CHD9NB: variants seen among roughly 807,000 people sequenced by gnomAD.
CHD9NB encodes the protein CHD9 neighbor protein.
the CHD9NB span, among the ~76,000 whole-genome samples, chr16:53,052,117 G>A: frequency 6.7e-6 from 1 of 150,156 alleles, no homozygotes; most frequent in African/African-American, 2.5e-5. Context: ...GGCAGCTTGT[G>A]TCTATAATCC....
At chr16:53,038,972 C>T in the CHD9NB span, among the ~76,000 whole-genome samples, 2 of 152,096 alleles carry the variant, frequency 1.3e-5, no homozygotes, top group South Asian at 2.1e-4. Flanking sequence ...ACTCAACACC[C>T]CTAAAACTCA....
At chr16:53,050,974 G>A in the CHD9NB span, among the ~76,000 whole-genome samples, 7 of 151,402 alleles carry the variant, frequency 4.6e-5, no homozygotes, top group South Asian at 2.1e-4. Flanking sequence ...TGCAAGCTCC[G>A]CCTCTCGGGT....
chr16:53,042,237 C>T, the CHD9NB span, among the ~76,000 whole-genome samples: 2 of 151,334 alleles, frequency 1.3e-5, no homozygotes, highest in Non-Finnish European at 2.9e-5. Context: ...ACCCTCTCCC[C>T]ATTTTTCTCT....
At chr16:53,036,971 C>G in the CHD9NB span, among the ~76,000 whole-genome samples, 1 of 151,946 alleles carries the variant, frequency 6.6e-6, no homozygotes, top group South Asian at 2.1e-4. Context: ...GAGTCTTGCT[C>G]TGTCACCAGG....
At chr16:53,036,123 C>T in the CHD9NB span, among the ~76,000 whole-genome samples, 1 of 152,266 alleles carries the variant, frequency 6.6e-6, no homozygotes, top group Middle Eastern at 3.4e-3. Flanking sequence ...CTATTCAATG[C>T]GCTGCTGTGG....
the CHD9NB span, among the ~76,000 whole-genome samples, chr16:53,047,957 C>T: frequency 6.9e-6 from 1 of 145,092 alleles, no homozygotes; most frequent in East Asian, 2.1e-4. Flanking sequence ...TATGATTGTG[C>T]CATGGCACTC....
chr16:53,045,259 T>G, the CHD9NB span, among the ~76,000 whole-genome samples: 1 of 152,208 alleles, frequency 6.6e-6, no homozygotes, highest in Non-Finnish European at 1.5e-5. Flanking sequence ...ATCCTGTCTC[T>G]TTATCAGTAT....
chr16:53,035,788 C>T, the CHD9NB span: 1 of 152,018 alleles, frequency 6.6e-6, no homozygotes, highest in African/African-American at 2.4e-5. Context: ...CATAGTGAGA[C>T]CCCACCTCCC....
chr16:53,049,414 G>A, the CHD9NB span, among the ~76,000 whole-genome samples: 2 of 151,920 alleles, frequency 1.3e-5, no homozygotes, highest in Admixed American at 1.3e-4. Context: ...GGCATCAAGT[G>A]ATCCTCCTGC....
the CHD9NB span, among the ~76,000 whole-genome samples, chr16:53,046,585 T>C: frequency 7.9e-5 from 12 of 151,658 alleles, no homozygotes; most frequent in East Asian, 1.6e-3. Context: ...CTTGGGAGGC[T>C]GAGGAGGGAG....
chr16:53,048,405 C>A, the CHD9NB span, among the ~76,000 whole-genome samples: 5 of 152,054 alleles, frequency 3.3e-5, no homozygotes, highest in Non-Finnish European at 7.4e-5. Context: ...AAGAGTGAGA[C>A]CCTGTCTCCA....
At chr16:53,037,481 T>C in the CHD9NB span, among the ~76,000 whole-genome samples, 1 of 152,212 alleles carries the variant, frequency 6.6e-6, no homozygotes, top group Non-Finnish European at 1.5e-5. Flanking sequence ...GTTTGTATTA[T>C]CAACTTAACA....
the CHD9NB span, among the ~76,000 whole-genome samples, chr16:53,052,531 C>T: frequency 2.0e-5 from 3 of 152,144 alleles, no homozygotes; most frequent in Non-Finnish European, 4.4e-5. Flanking sequence ...CTGTGATTAG[C>T]AGAATGAGAA....
At chr16:53,041,748 A>G in the CHD9NB span, among the ~76,000 whole-genome samples, 1 of 151,848 alleles carries the variant, frequency 6.6e-6, no homozygotes, top group African/African-American at 2.4e-5. Context: ...AATTTCCACT[A>G]GTAGGGAGGA....
At chr16:53,048,202 G>C in the CHD9NB span, among the ~76,000 whole-genome samples, 1 of 151,788 alleles carries the variant, frequency 6.6e-6, no homozygotes, top group Non-Finnish European at 1.5e-5. Flanking sequence ...CCAGGGGTTC[G>C]AGACCAGCCT....
chr16:53,051,695 C>T, the CHD9NB span, among the ~76,000 whole-genome samples: 2 of 148,932 alleles, frequency 1.3e-5, no homozygotes, highest in Non-Finnish European at 3.0e-5. Flanking sequence ...GTGCAGCACA[C>T]CAACATGGCA....
chr16:53,046,566 T>C, the CHD9NB span, among the ~76,000 whole-genome samples: 1 of 150,900 alleles, frequency 6.6e-6, no homozygotes, highest in East Asian at 1.9e-4. Flanking sequence ...ATGCCTGTAG[T>C]CCCAGCTACT....
At chr16:53,052,146 G>A in the CHD9NB span, among the ~76,000 whole-genome samples, 3 of 151,164 alleles carry the variant, frequency 2.0e-5, no homozygotes, top group Non-Finnish European at 2.9e-5. Flanking sequence ...TAGGAGGTTG[G>A]GGTGGGAGAA....
the CHD9NB span, chr16:53,052,892 ACCT>A: frequency 4.9e-3 from 847 of 174,052 alleles, 10 homozygotes; most frequent in African/African-American, 0.015. Flanking sequence ...CACAGATGAC[ACCT>A]CCTCCTCCTC....
Sources: allele counts gnomAD v4.1 joint callset (sites outside exome capture counted in the v4.1 genomes callset), GRCh38; gene constraint gnomAD v4.1.1; transcripts MANE v1.5; gene names NCBI Gene and HGNC (gene_info 2026-07-23, HGNC 2026-07-21).